MARF1: variants seen among roughly 807,000 people sequenced by gnomAD.
MARF1 encodes limkain-b1.
MARF1 carries 24 observed loss-of-function variants against 168.2 expected under a neutral mutation model. The ratio of observed to expected loss-of-function variants is 0.14; its 90% CI spans 0.10 to 0.20. The LOEUF (loss-of-function observed/expected upper bound fraction) is 0.20, where lower values mean the gene tolerates loss of function less well. MARF1 is among the 10% of genes least tolerant of loss of function. The probability of loss-of-function intolerance (pLI) is 1.00; values close to 1 mark genes in which losing one functional copy is unlikely to be tolerated. For synonymous variants in MARF1, 868 were observed against 822.4 expected, an observed-to-expected ratio of 1.06 and a Z score of -0.95; for missense variants, 1,744 against 2,143.6, an observed-to-expected ratio of 0.81 and a Z score of 3.68.
chr16:15,618,317 C>A (rs2151164878), intron 13 of MARF1, among the ~76,000 whole-genome samples: 1 of 152,258 alleles, frequency 6.6e-6, no homozygotes, highest in South Asian at 2.1e-4. Context: ...CAAACCAGCC[C>A]CTGGTCCTCT....
At chr16:15,600,789 T>C in intron 23 of MARF1, 88 bp from the exon 24 acceptor site, 3 of 1,364,204 alleles carry the variant, frequency 2.2e-6, no homozygotes, top group South Asian at 2.3e-5. Context: ...CTACGGAGCC[T>C]GCCTTAGGCT....
chr16:15,600,326 A>G, intron 25 of MARF1, 102 bp downstream of exon 25: 1 of 1,469,052 alleles, frequency 6.8e-7, no homozygotes, highest in Non-Finnish European at 9.4e-7. Flanking sequence ...ACTTCAGCAG[A>G]TTGGATGACT....
intron 21 of MARF1, among the ~76,000 whole-genome samples, chr16:15,604,858 G>A (rs1234338317): frequency 6.6e-6 from 1 of 152,068 alleles, no homozygotes. Flanking sequence ...GCGTCCCCAG[G>A]GCGGGCTGGG....
In MARF1 at chr16:15,596,854, A is replaced by G. The variant is rs202093713; in HGVS notation, c.5068T>C (p.Ser1690Pro). ...SKTLTSDSSS[S>P]CISAAVPVPP... The stretch of plus-strand genomic sequence containing the variant: ...ACGGGGACAGCTGCTGAGATGCAGG[A>G]CGAGCTGGAGTCAGAGGTCAGAGTT... Residue 1690 changes from serine (S) to proline (P), a missense_variant, in exon 27 of 27, where the codon TCC becomes CCC. Physicochemically the swap from Ser to Pro is moderately conservative, Grantham distance 74. Transcript: ENST00000396368. The G allele has an allele frequency of 1.4e-5, 23 of 1,613,996 alleles. No individual in the cohort carries two copies. The highest frequency in any genetic ancestry group is 1.6e-4 in the Middle Eastern group (1 of 6,080).
intron 23 of MARF1, chr16:15,601,633 C>T (rs1309982268): frequency 1.1e-5 from 4 of 361,976 alleles, no homozygotes; most frequent in Non-Finnish European, 2.0e-5. Flanking sequence ...GGTTTTGCAA[C>T]AGGCTCCCCA....
intron 12 of MARF1, 97 bp downstream of exon 12, chr16:15,621,635 AG>A (rs1047418474): frequency 3.5e-6 from 4 of 1,139,480 alleles, no homozygotes; most frequent in Middle Eastern, 4.1e-4. Flanking sequence ...AATCATCACA[AG>A]GGGGTGGGAA....
In MARF1 at chr16:15,636,324, T is replaced by G; in HGVS notation, c.163A>C (p.Lys55Gln). The G allele has an allele frequency of 6.4e-7, 1 of 1,561,558 alleles. No individual in the cohort carries two copies. The highest frequency in any genetic ancestry group is 8.7e-7 in the Non-Finnish European group (1 of 1,153,792). Residue 55 changes from lysine (K) to glutamine (Q), a missense_variant, in exon 3 of 27, where the codon AAG becomes CAG. Around this residue, in one of 7 missense-constraint regions of MARF1, gnomAD observed 318 missense variants for 336.6 expected, o/e 0.94. Coordinates refer to ENST00000396368, the MANE Select transcript of MARF1 (RefSeq NM_014647.4). ...TCCTTTAGTTCCACAGCAACTTTCTTGTTCTCCATGTACTCTTTCTGAGAA... is the reference window on the plus strand; with the variant it reads ...TCCTTTAGTTCCACAGCAACTTTCTGGTTCTCCATGTACTCTTTCTGAGAA... Reference protein sequence around the residue: ...SPQTKEYMENKKVAVELKDVP... With the variant: ...SPQTKEYMENQKVAVELKDVP...
intron 4 of MARF1, among the ~76,000 whole-genome samples, chr16:15,634,349 C>G (rs973300738): frequency 7.2e-5 from 11 of 152,192 alleles, no homozygotes; most frequent in Non-Finnish European, 1.3e-4. Flanking sequence ...GTCGCATTAA[C>G]TACTTTTTAG....
chr16:15,612,913 G>A (rs912019131), intron 16 of MARF1, 136 bp from the exon 17 acceptor site: 7 of 668,972 alleles, frequency 1.0e-5, no homozygotes, highest in Non-Finnish European at 1.8e-5. Context: ...GCTGCTTTAC[G>A]TCTCAGTTTC....
chr16:15,631,415 T>A lies in MARF1; in HGVS notation c.1317A>T (p.Thr439=), dbSNP rs2035243929. 14 of 1,612,968 alleles carry A rather than the reference T, an allele frequency of 8.7e-6. No individual in the cohort carries two copies. In the East Asian group the frequency reaches 3.1e-4, roughly 36 times the overall value. The change falls in exon 6 of 27, where the codon ACA becomes ACT. Residue 439 remains threonine (T), a synonymous_variant. Coordinates refer to ENST00000396368, the MANE Select transcript of MARF1 (RefSeq NM_014647.4). ...GAACCACTGTGGCTGGAGCAGTGTGTGTATTTGCAAATCTGCGGAGACTCT... is the reference window on the plus strand; with the variant it reads ...GAACCACTGTGGCTGGAGCAGTGTGAGTATTTGCAAATCTGCGGAGACTCT... The part of the protein sequence containing the change: ...LRQSLRRFAN[T]HTAPATVVLV...
rs2035589043 is a variant in MARF1 at position 15,636,222 on chromosome 16, G to A, written c.265C>T (p.Pro89Ser). 1 of 1,614,136 alleles carries A rather than the reference G, an allele frequency of 6.2e-7. No individual in the cohort carries two copies. Among genetic ancestry groups the A allele is most frequent in the African/African-American group, 1.3e-5 (1 of 74,946 alleles). The change falls in exon 3 of 27, where the codon CCT (proline) becomes TCT (serine). Residue 89 changes from proline to serine, a missense_variant. Around this residue, in one of 7 missense-constraint regions of MARF1, gnomAD observed 318 missense variants for 336.6 expected, o/e 0.94. Coordinates refer to ENST00000396368, the MANE Select transcript of MARF1 (RefSeq NM_014647.4). ...GGGACAGAAGAAAGCTGTATTTTAGGCTGCTGAAGAGAACGAATATCAGGA... is the reference window on the plus strand; with the variant it reads ...GGGACAGAAGAAAGCTGTATTTTAGACTGCTGAAGAGAACGAATATCAGGA... ...PLPDIRSLQQ[P>S]KIQLSSVPKV...
At position 15,624,768 on chromosome 16, in the gene MARF1, C is replaced by A. The variant is rs2034718170; in HGVS notation, c.2270+1G>T. 2 of 1,613,624 alleles carry A rather than the reference C, an allele frequency of 1.2e-6. No individual in the cohort carries two copies. The highest frequency in any genetic ancestry group is 8.5e-7 in the Non-Finnish European group (1 of 1,179,864). ...CCCATGGGTCAAGAAGCTGGACTCACCTAGAAGACCAAGACTGAGATGCGA... is the reference window on the plus strand; with the variant it reads ...CCCATGGGTCAAGAAGCTGGACTCAACTAGAAGACCAAGACTGAGATGCGA... On this transcript the variant is annotated splice_donor_variant, in intron 10 of 26. Transcript: ENST00000396368. LOFTEE classifies it high-confidence loss of function.
At chr16:15,617,688 C>T (rs1262484007) in intron 13 of MARF1, among the ~76,000 whole-genome samples, 153 bp from the exon 14 acceptor site, 1 of 152,202 alleles carries the variant, frequency 6.6e-6, no homozygotes, top group Non-Finnish European at 1.5e-5. Context: ...AATTCATTCA[C>T]TAGCAAACCA....
chr16:15,604,758 G>C (rs190404199), intron 21 of MARF1, among the ~76,000 whole-genome samples: 17 of 152,224 alleles, frequency 1.1e-4, no homozygotes, highest in Admixed American at 2.6e-4. Flanking sequence ...GTGAAGTGTG[G>C]GTTGCTGTGC....
chr16:15,614,028 G>A (rs530851461), intron 16 of MARF1, among the ~76,000 whole-genome samples: 4 of 152,260 alleles, frequency 2.6e-5, no homozygotes, highest in African/African-American at 4.8e-5. Flanking sequence ...GGACATGCCC[G>A]TAACTCAGAC....
chr16:15,614,293 T>C (rs922919905), intron 16 of MARF1, among the ~76,000 whole-genome samples: 9 of 150,598 alleles, frequency 6.0e-5, no homozygotes, highest in African/African-American at 2.2e-4. Context: ...CCATCCTTGC[T>C]AACACGGTGA....
intron 19 of MARF1, chr16:15,610,397 C>T (rs376462753): frequency 3.3e-5 from 5 of 152,824 alleles, no homozygotes; most frequent in Admixed American, 3.3e-4. Flanking sequence ...TGCCTGGATA[C>T]CAAAATCCGC....
In MARF1 at chr16:15,595,157, T is replaced by C. The variant is rs1414537833; in HGVS notation, c.*1536A>G. 6.6e-6 allele frequency: 1 copy of C among 152,614 alleles called. No individual in the cohort carries two copies. The allele number at this position is 152,614 out of a possible 1,614,324, so 9.5% of individuals were successfully genotyped here. A position where few individuals can be genotyped will look rare whatever the true frequency, so the allele number is the denominator to read the frequency against. On this transcript the variant is annotated 3_prime_UTR_variant, in exon 27 of 27. Transcript: ENST00000396368. The stretch of plus-strand genomic sequence containing the variant: ...CTTCAGGAGGATTCGGAGAGTGCCA[T>C]AATACTTACAGGGTTTTTTCCATGG...
At chr16:15,637,774 A>G (rs1419902379) in intron 2 of MARF1, among the ~76,000 whole-genome samples, 3 of 152,220 alleles carry the variant, frequency 2.0e-5, no homozygotes, top group Non-Finnish European at 4.4e-5. Flanking sequence ...CTAAAATAAA[A>G]CACTCCTAAA....
Sources: gnomAD v4.1 joint callset for allele counts (sites outside exome capture counted in the v4.1 genomes callset) on GRCh38, gnomAD v4.1.1 for gene constraint, gnomAD v4.1.1 regional missense constraint, MANE v1.5 for transcripts, NCBI Gene and HGNC (gene_info 2026-07-23, HGNC 2026-07-21) for gene names.